CCDC93: variants seen among roughly 807,000 people sequenced by gnomAD.
CCDC93 encodes CCC complex scaffolding subunit CCDC93.
CCDC93 carries 61 observed loss-of-function variants against 108.2 expected under a neutral mutation model. That is an observed-to-expected ratio of 0.56 (90% CI 0.46 to 0.70). CCDC93 has a LOEUF of 0.70. CCDC93 is among the 30% of genes least tolerant of loss of function. CCDC93 has a pLI of 0.00. For synonymous variants in CCDC93, 276 were observed against 260.4 expected, an observed-to-expected ratio of 1.06 and a Z score of -0.58; for missense variants, 685 against 764.2, an observed-to-expected ratio of 0.90 and a Z score of 1.22.
intron 23 of CCDC93, among the ~76,000 whole-genome samples, chr2:117,927,639 T>G (rs904400076): frequency 5.9e-5 from 9 of 152,248 alleles, no homozygotes; most frequent in Admixed American, 4.6e-4. Context: ...AACATTCCAT[T>G]CTTATGGGTA....
rs1318280744 is a variant in CCDC93, at chr2:117,985,994, GGATTCGA to G, written c.588_594del (p.Arg197MetfsTer58). On this transcript the variant is annotated frameshift_variant, in exon 7 of 24. Coordinates refer to ENST00000376300, the MANE Select transcript of CCDC93 (RefSeq NM_019044.5). LOFTEE classifies it high-confidence loss of function. ...CTGCCATATTCCAAAAGTGTAGCAT[GGATTCGA>G]GATTCTTCATCAAGTAGCTCCTCTG... 1 of 1,612,556 alleles carries G rather than the reference GGATTCGA, an allele frequency of 6.2e-7. No individual in the cohort carries two copies. Among genetic ancestry groups the G allele is most frequent in the Admixed American group, 1.7e-5 (1 of 59,976 alleles).
chr2:117,928,303 C>G lies in CCDC93; in HGVS notation c.1842+2734G>C, dbSNP rs538208661. Among the ~76,000 whole-genome samples the G allele has an allele frequency of 3.9e-5, 6 of 152,254 alleles. No individual in the cohort carries two copies. The East Asian group carries it at 1.2e-3, about 29-fold the overall frequency. On this transcript the variant is annotated intron_variant, in intron 23 of 23. Transcript: ENST00000376300. ...AAGAGCTTCTGCACAGCAAAATAAACTACCATAGGAGTGAACAGGCAACCT... is the reference window on the plus strand; with the variant it reads ...AAGAGCTTCTGCACAGCAAAATAAAGTACCATAGGAGTGAACAGGCAACCT...
At chr2:117,928,195 G>A (rs1678189902) in intron 23 of CCDC93, among the ~76,000 whole-genome samples, 2 of 152,180 alleles carry the variant, frequency 1.3e-5, no homozygotes, top group Admixed American at 6.5e-5. Flanking sequence ...CAGGACATAG[G>A]CATGGGCAAG....
intron 23 of CCDC93, among the ~76,000 whole-genome samples, chr2:117,927,628 G>A (rs2104706957): frequency 6.6e-6 from 1 of 152,196 alleles, no homozygotes; most frequent in East Asian, 1.9e-4. Context: ...ACAAATGGAA[G>A]AACATTCCAT....
intron 6 of CCDC93, among the ~76,000 whole-genome samples, chr2:117,990,584 A>T (rs1010210083): frequency 6.6e-6 from 1 of 152,184 alleles, no homozygotes; most frequent in Non-Finnish European, 1.5e-5. Context: ...AATTAGAAAT[A>T]AAAGAATAAA....
At chr2:117,951,787 G>T in intron 13 of CCDC93, 1 of 653,720 alleles carries the variant, frequency 1.5e-6, no homozygotes, top group Non-Finnish European at 1.9e-6. Flanking sequence ...TCACAAGTGG[G>T]AAGTGAGCAG....
chr2:117,998,830 G>A (rs966984642), intron 4 of CCDC93: 1 of 152,106 alleles, frequency 6.6e-6, no homozygotes, highest in Non-Finnish European at 1.5e-5. Context: ...TCAACACAGG[G>A]CCCCAACTTC....
At chr2:118,007,483 A>C (rs1051194705) in intron 2 of CCDC93, among the ~76,000 whole-genome samples, 7 of 152,348 alleles carry the variant, frequency 4.6e-5, no homozygotes, top group African/African-American at 1.7e-4. Context: ...CAGCCTGGCC[A>C]ACGCAGTGAA....
At chr2:117,996,980 A>C (rs893405790) in intron 4 of CCDC93, 4 of 152,320 alleles carry the variant, frequency 2.6e-5, no homozygotes, top group Admixed American at 6.5e-5. Flanking sequence ...ACAATGTCGG[A>C]TGGTACTGGC....
At chr2:118,004,670 T>C (rs1439495088) in intron 3 of CCDC93, among the ~76,000 whole-genome samples, 1 of 152,206 alleles carries the variant, frequency 6.6e-6, no homozygotes, top group Non-Finnish European at 1.5e-5. Flanking sequence ...GGCTGTAACA[T>C]GTCTTCTACA....
chr2:117,972,989 C>T (rs1225173504), intron 11 of CCDC93, among the ~76,000 whole-genome samples: 3 of 152,112 alleles, frequency 2.0e-5, no homozygotes, highest in Admixed American at 6.6e-5. Context: ...CACTCATATT[C>T]GCTTGCACAA....
intron 3 of CCDC93, among the ~76,000 whole-genome samples, chr2:118,001,551 G>GA (rs1558804524): frequency 1.4e-5 from 2 of 144,312 alleles, no homozygotes; most frequent in African/African-American, 5.2e-5. Context: ...TTTCCATACA[G>GA]AAGAGATATT....
chr2:118,012,066 T>C (rs890691526), intron 1 of CCDC93, among the ~76,000 whole-genome samples: 1 of 152,200 alleles, frequency 6.6e-6, no homozygotes, highest in Non-Finnish European at 1.5e-5. Flanking sequence ...ACTATAGTTG[T>C]TGTAAGCTGG....
At chr2:117,967,627 AAGGAG>A (rs1175037461) in intron 11 of CCDC93, among the ~76,000 whole-genome samples, 4 of 152,250 alleles carry the variant, frequency 2.6e-5, no homozygotes, top group Non-Finnish European at 5.9e-5. Context: ...CCACCTAGCC[AAGGAG>A]AAAGATTGCA....
In CCDC93 at chr2:117,925,273, ATTAACC is replaced by A. The variant is rs571694063; in HGVS notation, c.1843-4883_1843-4878del. Reference sequence around the variant, plus strand: ...CAGGATCAAATTCACACATAACAATATTAACCTTAAATGTAAATGGGCTAAATGCTT... The same window carrying A: ...CAGGATCAAATTCACACATAACAATATTAAATGTAAATGGGCTAAATGCTT... On this transcript the variant is annotated intron_variant, in intron 23 of 23. Coordinates refer to ENST00000376300, the MANE Select transcript of CCDC93 (RefSeq NM_019044.5). 4.1e-3 allele frequency among the ~76,000 whole-genome samples: 622 copies of A among 152,358 alleles called. 4 individuals are homozygous for A. Among genetic ancestry groups the A allele is most frequent in the South Asian group, 6.2e-3 (30 of 4,828 alleles).
chr2:117,923,792 C>T (rs938433121), intron 23 of CCDC93, among the ~76,000 whole-genome samples: 1 of 152,160 alleles, frequency 6.6e-6, no homozygotes, highest in African/African-American at 2.4e-5. Context: ...GTGTTTCTCC[C>T]AGCACGCAGC....
At chr2:117,950,666 T>C (rs983972187) in intron 13 of CCDC93, 7 of 985,200 alleles carry the variant, frequency 7.1e-6, no homozygotes, top group Non-Finnish European at 8.4e-6. Flanking sequence ...CTAACCTTGA[T>C]AGGTAAGGAG....
At chr2:117,968,822 CTAAG>C (rs1469877664) in intron 11 of CCDC93, among the ~76,000 whole-genome samples, 5 of 152,132 alleles carry the variant, frequency 3.3e-5, no homozygotes, top group Non-Finnish European at 5.9e-5. Context: ...TGATCTCAGC[CTAAG>C]TGAGTTTTTC....
chr2:117,933,640 A>G (rs1416614505), intron 22 of CCDC93, among the ~76,000 whole-genome samples: 1 of 151,932 alleles, frequency 6.6e-6, no homozygotes, highest in African/African-American at 2.4e-5. Context: ...CCTGTGCTTG[A>G]GAGGACAGAC....
Sources: gnomAD v4.1 joint callset for allele counts (sites outside exome capture counted in the v4.1 genomes callset) on GRCh38, gnomAD v4.1.1 for gene constraint, MANE v1.5 for transcripts, NCBI Gene and HGNC (gene_info 2026-07-23, HGNC 2026-07-21) for gene names.